The following SVIL variants were observed in gnomAD, a reference collection of about 807,000 sequenced individuals.
The protein encoded by SVIL is supervillin.
In SVIL, 101 loss-of-function variants were observed where a neutral mutation model predicts 240.4. The ratio of observed to expected loss-of-function variants is 0.42; its 90% CI spans 0.36 to 0.50. The LOEUF (loss-of-function observed/expected upper bound fraction) is 0.50. SVIL is among the 20% of genes least tolerant of loss of function. The pLI is 0.01. For synonymous variants in SVIL, 999 were observed against 1,100.0 expected, an observed-to-expected ratio of 0.91 and a Z score of 1.82; for missense variants, 2,512 against 2,818.7, an observed-to-expected ratio of 0.89 and a Z score of 2.46.
At chr10:29,629,289 TCTC>T (rs545982886) in intron 1 of SVIL, among the ~76,000 whole-genome samples, 56 of 152,050 alleles carry the variant, frequency 3.7e-4, no homozygotes, top group African/African-American at 1.2e-3. Context: ...AAAGACTCCT[TCTC>T]CTCCTCGGAA....
rs1462873359 is a variant in SVIL at position 29,640,786 on chromosome 10, T to G, written c.-201+17183A>C. On this transcript the variant is annotated intron_variant, in intron 3 of 35. Transcript: ENST00000375400. Reference sequence around the variant, plus strand: ...TCCTTCCACCCCATTGATGTTCTCATGGGCCTGAGTCAGGCTTATGCCTGG... The same window carrying G: ...TCCTTCCACCCCATTGATGTTCTCAGGGGCCTGAGTCAGGCTTATGCCTGG... 3.9e-5 allele frequency among the ~76,000 whole-genome samples: 6 copies of G among 152,190 alleles called. No homozygotes were observed. The East Asian group carries it at 9.6e-4, about 24-fold the overall frequency.
intron 3 of SVIL, among the ~76,000 whole-genome samples, chr10:29,652,633 T>C (rs1432716268): frequency 6.6e-6 from 1 of 152,202 alleles, no homozygotes; most frequent in Non-Finnish European, 1.5e-5. Context: ...CTGTGTTTAA[T>C]TGTTTGAAGA....
intron 2 of SVIL, among the ~76,000 whole-genome samples, chr10:29,670,606 G>A (rs1272457471): frequency 1.3e-5 from 2 of 152,138 alleles, no homozygotes; most frequent in Admixed American, 6.6e-5. Flanking sequence ...GCATTTATCG[G>A]CTTTATAGAT....
At chr10:29,603,203 T>C (rs759338452) in intron 1 of SVIL, among the ~76,000 whole-genome samples, 15 of 152,004 alleles carry the variant, frequency 9.9e-5, no homozygotes, top group Admixed American at 2.0e-4. Context: ...GGAGAAACGA[T>C]GTGAAAGATC....
intron 1 of SVIL, among the ~76,000 whole-genome samples, chr10:29,725,056 A>G (rs868046554): frequency 7.0e-6 from 1 of 142,628 alleles, no homozygotes; most frequent in Non-Finnish European, 1.5e-5. Context: ...AAAAAAAAGC[A>G]TGCATGCTCA....
chr10:29,667,323 A>G (rs935616062), intron 2 of SVIL, among the ~76,000 whole-genome samples: 1 of 152,190 alleles, frequency 6.6e-6, no homozygotes, highest in Non-Finnish European at 1.5e-5. Context: ...TGCTATTGAC[A>G]CACAACAATG....
intron 1 of SVIL, among the ~76,000 whole-genome samples, chr10:29,705,848 T>G (rs1256089719): frequency 2.0e-5 from 3 of 152,238 alleles, no homozygotes; most frequent in Non-Finnish European, 4.4e-5. Context: ...TAGTATTCCA[T>G]GGTGTATATG....
rs145087588 is a variant in SVIL at position 29,613,831 on chromosome 10, C to T, written c.-201+20589G>A. 5.3e-3 allele frequency among the ~76,000 whole-genome samples: 802 copies of T among 152,240 alleles called. 10 individuals carry two copies. Among genetic ancestry groups the T allele is most frequent in the African/African-American group, 0.018 (749 of 41,536 alleles). On this transcript the variant is annotated intron_variant, in intron 1 of 37. Transcript: ENST00000355867. ...ACCGGAAGAATATTCTCTTCTTTTACGTATTTTTTAAAGGATTGACCTAAG... is the reference window on the plus strand; with the variant it reads ...ACCGGAAGAATATTCTCTTCTTTTATGTATTTTTTAAAGGATTGACCTAAG...
upstream of SVIL, among the ~76,000 whole-genome samples, chr10:29,637,239 C>T (rs1253373544): frequency 6.6e-6 from 1 of 152,108 alleles, no homozygotes; most frequent in Non-Finnish European, 1.5e-5. Flanking sequence ...AATCCCAGCA[C>T]TTTGGTAGGC....
At chr10:29,655,486 C>G (rs140839079) in intron 3 of SVIL, among the ~76,000 whole-genome samples, 1 of 152,310 alleles carries the variant, frequency 6.6e-6, no homozygotes, top group East Asian at 1.9e-4. Context: ...CTGCTTCGCT[C>G]TTGCCATGCT....
rs544243137 is a variant in SVIL, at chr10:29,574,435, G to A, written c.-200-5123C>T. On this transcript the variant is annotated intron_variant, in intron 1 of 37. Coordinates refer to ENST00000355867, the MANE Select transcript of SVIL (RefSeq NM_021738.3). ...CATGGTACACGGGCGGTGGCTGGAGGAGACCTGAAGGATCTATGAGTGAAC... is the reference window on the plus strand; with the variant it reads ...CATGGTACACGGGCGGTGGCTGGAGAAGACCTGAAGGATCTATGAGTGAAC... Among the ~76,000 whole-genome samples the A allele has an allele frequency of 7.9e-5, 12 of 152,264 alleles. No individual in the cohort carries two copies. In the East Asian group the frequency reaches 2.3e-3, roughly 29 times the overall value.
intron 2 of SVIL, among the ~76,000 whole-genome samples, chr10:29,661,081 C>T (rs1186916481): frequency 6.6e-6 from 1 of 151,310 alleles, no homozygotes; most frequent in Non-Finnish European, 1.5e-5. Flanking sequence ...GCAGGAGAAT[C>T]GCTTGAACCA....
chr10:29,639,481 T>C (rs1958415724), upstream of SVIL, among the ~76,000 whole-genome samples: 1 of 150,678 alleles, frequency 6.6e-6, no homozygotes, highest in African/African-American at 2.5e-5. Context: ...TTTTTTTTTT[T>C]TTTTTGAGAT....
Position 29,468,200 on chromosome 10 carries a change from A to G in SVIL, c.5844-325T>C, listed in dbSNP as rs139987286. The stretch of plus-strand genomic sequence containing the variant: ...TGGACTTGCCTGTTTTGGACATTTC[A>G]TACAGATGGAATTATATAATATATG... On this transcript the variant is annotated intron_variant, in intron 32 of 37. Coordinates refer to ENST00000355867, the MANE Select transcript of SVIL (RefSeq NM_021738.3). 2.5e-3 allele frequency among the ~76,000 whole-genome samples: 379 copies of G among 152,292 alleles called. 4 individuals carry two copies. The highest frequency in any genetic ancestry group is 8.6e-3 in the African/African-American group (356 of 41,558).
At chr10:29,613,896 A>C (rs1957340093) in intron 1 of SVIL, among the ~76,000 whole-genome samples, 1 of 152,224 alleles carries the variant, frequency 6.6e-6, no homozygotes, top group South Asian at 2.1e-4. Context: ...TATGAATTCC[A>C]AAAGCCCAAC....
chr10:29,573,787 C>T (rs1047198559), intron 1 of SVIL, among the ~76,000 whole-genome samples: 7 of 152,092 alleles, frequency 4.6e-5, no homozygotes, highest in African/African-American at 1.7e-4. Flanking sequence ...CCTCCACCTC[C>T]CGGGTTCAAG....
At chr10:29,521,602 C>T (rs1950567592) in intron 16 of SVIL, among the ~76,000 whole-genome samples, 1 of 152,178 alleles carries the variant, frequency 6.6e-6, no homozygotes, top group Non-Finnish European at 1.5e-5. Context: ...GAATGTCCAT[C>T]ACCTCAGTAC....
intron 1 of SVIL, among the ~76,000 whole-genome samples, chr10:29,714,589 C>T (rs905870600): frequency 2.0e-5 from 3 of 152,152 alleles, no homozygotes; most frequent in Admixed American, 6.5e-5. Flanking sequence ...TAAGCTCTAT[C>T]TGAACATGCA....
intron 1 of SVIL, among the ~76,000 whole-genome samples, chr10:29,709,951 A>T (rs995077940): frequency 3.9e-5 from 6 of 152,112 alleles, no homozygotes; most frequent in Non-Finnish European, 2.9e-5. Context: ...ATGCCCTGAG[A>T]TCTGAATTTC....
Sources: gnomAD v4.1 joint callset for allele counts (sites outside exome capture counted in the v4.1 genomes callset) on GRCh38, gnomAD v4.1.1 for gene constraint, MANE v1.5 for transcripts, NCBI Gene and HGNC (gene_info 2026-07-23, HGNC 2026-07-21) for gene names.